Variants in PDE10A observed in about 807,000 individuals in gnomAD.
PDE10A encodes cAMP and cAMP-inhibited cGMP 3',5'-cyclic phosphodiesterase 10A.
Under a neutral mutation model 97.7 loss-of-function variants are expected in PDE10A, and 39 were observed. The observed-to-expected ratio is 0.40, with a 90% CI of 0.31 to 0.52. The LOEUF is 0.52. PDE10A is among the 20% of genes least tolerant of loss of function. The probability of loss-of-function intolerance (pLI) is 0.56; values close to 1 mark genes in which losing one functional copy is unlikely to be tolerated. For synonymous variants in PDE10A, 371 were observed against 376.8 expected, an observed-to-expected ratio of 0.98 and a Z score of 0.18; for missense variants, 731 against 1,047.8, an observed-to-expected ratio of 0.70 and a Z score of 4.17.
intron 1 of PDE10A, among the ~76,000 whole-genome samples, chr6:165,750,394 T>G (rs3002433): frequency 0.76 from 115,962 of 152,142 alleles, 44,859 homozygotes; most frequent in African/African-American, 0.9. Flanking sequence ...GGAGCAGGAG[T>G]CTGGGCTTCA....
At chr6:165,372,810 G>A (rs867444713) in intron 18 of PDE10A, among the ~76,000 whole-genome samples, 7 of 146,368 alleles carry the variant, frequency 4.8e-5, no homozygotes, top group Non-Finnish European at 1.0e-4. Context: ...GAGGCATCAC[G>A]CTACCTGACT....
chr6:165,794,131 A>ACACACG (rs1491034539), intron 1 of PDE10A, among the ~76,000 whole-genome samples: 10 of 140,944 alleles, frequency 7.1e-5, no homozygotes, highest in African/African-American at 2.6e-4. Context: ...ACACACACAC[A>ACACACG]CGCTCACACT....
chr6:165,433,706 G>A (rs220825), intron 6 of PDE10A, among the ~76,000 whole-genome samples: 57,429 of 151,780 alleles, frequency 0.38, 11,915 homozygotes, highest in African/African-American at 0.55. Flanking sequence ...TTTCTAGCTT[G>A]GCAAATTTAC....
intron 1 of PDE10A, among the ~76,000 whole-genome samples, chr6:165,898,412 G>A (rs367557655): frequency 9.2e-5 from 14 of 152,046 alleles, no homozygotes; most frequent in South Asian, 2.1e-4. Flanking sequence ...TTTAGGTCTC[G>A]AAGTCCATAT....
intron 1 of PDE10A, among the ~76,000 whole-genome samples, chr6:165,587,049 C>G (rs969115179): frequency 6.6e-6 from 1 of 152,148 alleles, no homozygotes; most frequent in Non-Finnish European, 1.5e-5. Flanking sequence ...CACCAGCCAT[C>G]ACAGAGGGTG....
At chr6:165,387,386 C>G (rs1301640425) in intron 17 of PDE10A, among the ~76,000 whole-genome samples, 1 of 152,038 alleles carries the variant, frequency 6.6e-6, no homozygotes, top group East Asian at 1.9e-4. Flanking sequence ...ATCACGTGGA[C>G]AGTTAAATGA....
chr6:165,507,757 G>T (rs538758721), intron 2 of PDE10A, among the ~76,000 whole-genome samples: 1 of 152,042 alleles, frequency 6.6e-6, no homozygotes, highest in South Asian at 2.1e-4. Flanking sequence ...TATTGTTTTG[G>T]GGGCTTTCAG....
chr6:165,973,881 A>G (rs1256922720), intron 1 of PDE10A, among the ~76,000 whole-genome samples: 6 of 152,244 alleles, frequency 3.9e-5, no homozygotes, highest in Non-Finnish European at 5.9e-5. Flanking sequence ...CTTCAATAAC[A>G]TGCAGAATTT....
At chr6:165,539,482 C>A (rs1170339277) in intron 2 of PDE10A, among the ~76,000 whole-genome samples, 1 of 152,210 alleles carries the variant, frequency 6.6e-6, no homozygotes, top group African/African-American at 2.4e-5. Flanking sequence ...CACTGCCAGA[C>A]TAACTAGAAG....
chr6:165,526,696 T>C (rs1782467599), intron 2 of PDE10A, among the ~76,000 whole-genome samples: 1 of 152,210 alleles, frequency 6.6e-6, no homozygotes, highest in Non-Finnish European at 1.5e-5. Flanking sequence ...CAATTGCAGC[T>C]GCTGTACCAG....
At chr6:165,482,148 A>C (rs1022566173) in intron 3 of PDE10A, among the ~76,000 whole-genome samples, 167 bp downstream of exon 3, 1 of 152,120 alleles carries the variant, frequency 6.6e-6, no homozygotes, top group African/African-American at 2.4e-5. Flanking sequence ...TTCAATTTGC[A>C]CCCTCTCTAC....
intron 1 of PDE10A, among the ~76,000 whole-genome samples, chr6:165,828,092 G>A (rs1488499308): frequency 6.6e-6 from 1 of 152,158 alleles, no homozygotes; most frequent in African/African-American, 2.4e-5. Flanking sequence ...ATTTGCAGAA[G>A]AAAAATGATC....
chr6:165,484,803 C>T (rs1019914905), intron 2 of PDE10A, among the ~76,000 whole-genome samples: 1 of 152,154 alleles, frequency 6.6e-6, no homozygotes, highest in Non-Finnish European at 1.5e-5. Context: ...ATTTAGTCCA[C>T]GTGTGACTTG....
At position 165,758,527 on chromosome 6, in the gene PDE10A, A is replaced by AGAG. The variant is rs1554317324; in HGVS notation, c.-614-214960_-614-214959insCTC. Among the ~76,000 whole-genome samples, 502 of 140,634 alleles carry AGAG rather than the reference A, an allele frequency of 3.6e-3. 1 individual carries two copies. The highest frequency in any genetic ancestry group is 0.012 in the African/African-American group (469 of 39,002). The allele number at this position is 140,634 out of a possible 152,430, so 92.3% of individuals were successfully genotyped here. A position where few individuals can be genotyped will look rare whatever the true frequency, so the allele number is the denominator to read the frequency against. On this transcript the variant is annotated intron_variant, in intron 1 of 19. Coordinates refer to the PDE10A transcript ENST00000366882. ...GAAAGAAGAAAGAAGAAGAAGAAGA[A>AGAG]GAAGAGGAAGAGGAAGAGGAAGAAG... is the stretch of plus-strand genomic sequence containing the variant.
At chr6:165,501,521 A>T (rs1353456680) in intron 2 of PDE10A, among the ~76,000 whole-genome samples, 1 of 151,786 alleles carries the variant, frequency 6.6e-6, no homozygotes, top group East Asian at 1.9e-4. Flanking sequence ...TGCAGTGAGC[A>T]GAGATCGCGC....
At chr6:165,812,714 C>T (rs552095618) in intron 1 of PDE10A, among the ~76,000 whole-genome samples, 2 of 152,218 alleles carry the variant, frequency 1.3e-5, no homozygotes, top group African/African-American at 4.8e-5. Context: ...CCAGATATTA[C>T]CACTTGTTAA....
intron 3 of PDE10A, among the ~76,000 whole-genome samples, chr6:165,479,791 T>C (rs147498771): frequency 3.5e-3 from 537 of 151,946 alleles, no homozygotes; most frequent in Non-Finnish European, 4.1e-3. Context: ...CATTGAATGA[T>C]AGGTAAGAAG....
chr6:165,970,973 C>T (rs1302268988), intron 1 of PDE10A, among the ~76,000 whole-genome samples: 1 of 152,148 alleles, frequency 6.6e-6, no homozygotes, highest in Non-Finnish European at 1.5e-5. Context: ...CATGGCAAAG[C>T]CCCGTCTCTA....
At chr6:165,822,282 GCTGGATGGCACAGCCCAACACACAC>G (rs1199591469) in intron 1 of PDE10A, among the ~76,000 whole-genome samples, 1 of 142,576 alleles carries the variant, frequency 7.0e-6, no homozygotes, top group Admixed American at 7.1e-5. Context: ...ACACACCTGG[GCTGGATGGCACAGCCCAACACACAC>G]CTGGATGGCA....
Sources: gnomAD v4.1 joint callset for allele counts (sites outside exome capture counted in the v4.1 genomes callset) on GRCh38, gnomAD v4.1.1 for gene constraint, MANE v1.5 for transcripts, NCBI Gene and HGNC (gene_info 2026-07-23, HGNC 2026-07-21) for gene names.